The following ENOX1 variants were observed in gnomAD, a reference collection of about 807,000 sequenced individuals.
ENOX1 encodes the protein ecto-NOX disulfide-thiol exchanger 1, also known as candidate growth-related and time keeping constitutive hydroquinone (NADH) oxidase.
Under a neutral mutation model 82.5 loss-of-function variants are expected in ENOX1, and 42 were observed. The observed-to-expected ratio is 0.51, with a 90% CI of 0.40 to 0.66. ENOX1 has a LOEUF of 0.66. ENOX1 is among the 30% of genes least tolerant of loss of function. The pLI is 0.00. For synonymous variants in ENOX1, 271 were observed against 282.2 expected, an observed-to-expected ratio of 0.96 and a Z score of 0.40; for missense variants, 608 against 811.6, an observed-to-expected ratio of 0.75 and a Z score of 3.05.
chr13:43,683,084 A>G (rs1167654078), intron 1 of ENOX1, among the ~76,000 whole-genome samples: 10 of 152,194 alleles, frequency 6.6e-5, no homozygotes, highest in African/African-American at 2.4e-4. Context: ...TGGAATTGTC[A>G]GCCAAAATAA....
At chr13:43,708,168 G>A (rs2153812016) in intron 1 of ENOX1, among the ~76,000 whole-genome samples, 1 of 152,318 alleles carries the variant, frequency 6.6e-6, no homozygotes, top group South Asian at 2.1e-4. Flanking sequence ...CGTTTAACTG[G>A]TATATGACCT....
intron 9 of ENOX1, among the ~76,000 whole-genome samples, chr13:43,339,575 C>T (rs1179819794): frequency 1.3e-5 from 2 of 152,360 alleles, no homozygotes; most frequent in African/African-American, 4.8e-5. Context: ...TTTGCCAATA[C>T]ACCTGCTTCC....
chr13:43,717,027 A>T (rs116428089), intron 1 of ENOX1, among the ~76,000 whole-genome samples: 1,915 of 152,318 alleles, frequency 0.013, 41 homozygotes, highest in African/African-American at 0.043. Context: ...TTTTCACAGA[A>T]TTAGAAAAAT....
At position 43,786,175 on chromosome 13, in the gene ENOX1, G is replaced by A. The variant is rs1427401655; in HGVS notation, c.-285+477C>T. On this transcript the variant is annotated intron_variant, in intron 1 of 16. Transcript: ENST00000690772. This position sits in a 1 kb window ranked among gnomAD's most constrained non-coding sequence, Gnocchi z 6.0. ...AGAGCGGAGTCCGCCAAGGCTGGAGGAAAAGGGATGCAGAGCGGGAGGGTG... is the reference window on the plus strand; with the variant it reads ...AGAGCGGAGTCCGCCAAGGCTGGAGAAAAAGGGATGCAGAGCGGGAGGGTG... Among the ~76,000 whole-genome samples, 1 of 152,208 alleles carries A rather than the reference G, an allele frequency of 6.6e-6. No individual in the cohort carries two copies. The highest frequency in any genetic ancestry group is 1.9e-4 in the East Asian group (1 of 5,178).
At chr13:43,441,452 G>A (rs2153622474) in intron 3 of ENOX1, among the ~76,000 whole-genome samples, 1 of 152,244 alleles carries the variant, frequency 6.6e-6, no homozygotes, top group East Asian at 1.9e-4. Flanking sequence ...AAAAAAGACA[G>A]GAGTAGTAAA....
At chr13:43,750,631 G>A (rs549401648) in intron 1 of ENOX1, among the ~76,000 whole-genome samples, 17 of 152,246 alleles carry the variant, frequency 1.1e-4, no homozygotes, top group Non-Finnish European at 1.8e-4. Flanking sequence ...TTTGTCAAAC[G>A]AGTCTTGGAA....
chr13:43,255,510 A>G (rs1593554217), intron 14 of ENOX1, among the ~76,000 whole-genome samples: 1 of 152,162 alleles, frequency 6.6e-6, no homozygotes, highest in African/African-American at 2.4e-5. Flanking sequence ...CACAGATGAC[A>G]TGATCTTATA....
intron 1 of ENOX1, among the ~76,000 whole-genome samples, chr13:43,683,485 C>A (rs984418979): frequency 2.0e-5 from 3 of 152,054 alleles, no homozygotes; most frequent in African/African-American, 7.2e-5. Context: ...GAGAATCAGA[C>A]AAAAGACAGT....
At chr13:43,410,161 A>G (rs1434883842) in intron 5 of ENOX1, among the ~76,000 whole-genome samples, 1 of 152,206 alleles carries the variant, frequency 6.6e-6, no homozygotes, top group Non-Finnish European at 1.5e-5. Flanking sequence ...TGAATTATGA[A>G]GGTTTTGGCT....
intron 1 of ENOX1, among the ~76,000 whole-genome samples, chr13:43,743,682 A>G (rs1339744065): frequency 1.3e-5 from 2 of 152,230 alleles, no homozygotes; most frequent in Non-Finnish European, 2.9e-5. Flanking sequence ...CACAGGGAAG[A>G]AATGAAATCA....
intron 4 of ENOX1, among the ~76,000 whole-genome samples, chr13:43,412,314 C>T (rs879042231): frequency 2.6e-5 from 4 of 152,056 alleles, no homozygotes; most frequent in Non-Finnish European, 4.4e-5. Flanking sequence ...GGAAAAAAAT[C>T]GAAGAATTGT....
intron 1 of ENOX1, among the ~76,000 whole-genome samples, chr13:43,711,869 G>T (rs2087744723): frequency 6.8e-6 from 1 of 147,748 alleles, no homozygotes; most frequent in South Asian, 2.2e-4. Flanking sequence ...CATTTTGTAG[G>T]TTGCCTATTC....
At chr13:43,770,600 GTTA>G (rs1464424960) in intron 1 of ENOX1, among the ~76,000 whole-genome samples, 2 of 151,482 alleles carry the variant, frequency 1.3e-5, no homozygotes, top group Non-Finnish European at 2.9e-5. Context: ...GTTATTATGA[GTTA>G]TTATGAAAAA....
intron 3 of ENOX1, among the ~76,000 whole-genome samples, chr13:43,441,688 AATC>A (rs72502431): frequency 0.14 from 21,267 of 152,054 alleles, 1,755 homozygotes; most frequent in East Asian, 0.24. Flanking sequence ...GTCTGCTGGT[AATC>A]ATCATCTTTG....
At chr13:43,743,820 C>A (rs548596236) in intron 1 of ENOX1, among the ~76,000 whole-genome samples, 16 of 152,290 alleles carry the variant, frequency 1.1e-4, no homozygotes, top group African/African-American at 3.4e-4. Context: ...AGATTTATTT[C>A]TTACAGTTCT....
chr13:43,269,669 G>A, intron 12 of ENOX1, 92 bp from the exon 13 acceptor site: 1 of 1,013,152 alleles, frequency 9.9e-7, no homozygotes, highest in Non-Finnish European at 1.5e-6. Context: ...ATGAGTAGAA[G>A]ATGTTTACAA....
At chr13:43,261,006 C>T (rs1297297243) in intron 14 of ENOX1, among the ~76,000 whole-genome samples, 1 of 152,204 alleles carries the variant, frequency 6.6e-6, no homozygotes, top group Admixed American at 6.5e-5. Flanking sequence ...AAGGCCTTTG[C>T]AGTTGACGTC....
chr13:43,773,980 T>C (rs1219112408), intron 1 of ENOX1, among the ~76,000 whole-genome samples: 3 of 152,156 alleles, frequency 2.0e-5, no homozygotes, highest in African/African-American at 4.8e-5. Context: ...AATAAAATGT[T>C]AGTTATTCTA....
At chr13:43,442,206 A>C (rs1014696790) in intron 3 of ENOX1, among the ~76,000 whole-genome samples, 2 of 152,142 alleles carry the variant, frequency 1.3e-5, no homozygotes, top group African/African-American at 4.8e-5. Flanking sequence ...GAAAATGAGA[A>C]CACATTTTAA....
Sources: allele counts gnomAD v4.1 joint callset (sites outside exome capture counted in the v4.1 genomes callset), GRCh38; gene constraint gnomAD v4.1.1; non-coding constraint Gnocchi (gnomAD v3.1); transcripts MANE v1.5; gene names NCBI Gene and HGNC (gene_info 2026-07-23, HGNC 2026-07-21).